Variants in CRAMP1 observed in about 807,000 individuals in gnomAD.
The protein encoded by CRAMP1 is cramped chromatin regulator 1.
CRAMP1 carries 50 observed loss-of-function variants against 115.4 expected under a neutral mutation model. The observed-to-expected ratio is 0.43, with a 90% CI of 0.35 to 0.55. CRAMP1 has a LOEUF of 0.55. Ranked by LOEUF, CRAMP1 falls within the 20% of genes least tolerant of loss-of-function variation. The pLI, the probability that CRAMP1 is intolerant of heterozygous loss-of-function variation, is 0.01. For synonymous variants in CRAMP1, 866 were observed against 745.4 expected (o/e 1.16, Z -2.64); for missense variants, 1,679 against 1,721.7 (o/e 0.98, Z 0.44).
chr16:1,668,123 G>A lies in CRAMP1; in HGVS notation c.3264G>A (p.Leu1088=), dbSNP rs1446408112. The A allele has an allele frequency of 1.2e-6, 2 of 1,613,474 alleles. No homozygotes were observed. The highest frequency in any genetic ancestry group is 1.1e-5 in the South Asian group (1 of 91,088). The part of the protein sequence containing the change: ...ISLPGPPEDA[L]SQGEPATHIS... The stretch of plus-strand genomic sequence containing the variant: ...TGCCCGGCCCACCTGAGGATGCGCT[G>A]TCACAGGGCGAGCCTGCCACACACA... Residue 1088 remains leucine, a synonymous_variant, in exon 18 of 21, where the codon CTG becomes CTA. Transcript: ENST00000397412.
chr16:1,631,274 C>T (rs935380242), intron 3 of CRAMP1, among the ~76,000 whole-genome samples: 5 of 152,256 alleles, frequency 3.3e-5, no homozygotes, highest in Non-Finnish European at 7.3e-5. Context: ...GGTCATGGTC[C>T]ACCATGCCAT....
At position 1,667,401 on chromosome 16, in the gene CRAMP1, G is replaced by A. The variant is rs752315318; in HGVS notation, c.3102+1G>A. 1.2e-6 allele frequency: 2 copies of A among 1,611,704 alleles called. No individual in the cohort carries two copies. The highest frequency in any genetic ancestry group is 3.3e-5 in the Admixed American group (2 of 59,960). ...GGAGCCAGTGGCAGACAGTTTCCAG[G>A]TAGAGTGTGCTCTTGGGCTGCTGAG... On this transcript the variant is annotated splice_donor_variant, in intron 17 of 20. Transcript: ENST00000397412. LOFTEE classifies it high-confidence loss of function.
rs1234235605 is a variant in CRAMP1, at chr16:1,671,233, C to G, written c.3645+424C>G. Among the ~76,000 whole-genome samples, 1 of 152,128 alleles carries G rather than the reference C, an allele frequency of 6.6e-6. No individual in the cohort carries two copies. The highest frequency in any genetic ancestry group is 2.4e-5 in the African/African-American group (1 of 41,418). On this transcript the variant is annotated intron_variant, in intron 20 of 20. Coordinates refer to ENST00000397412, the MANE Select transcript of CRAMP1 (RefSeq NM_020825.4). The surrounding 1 kb of genome is among the most constrained non-coding windows in gnomAD (Gnocchi z 5.0). ...AGTGCTCCCATCCTAACAGCAGGAC[C>G]TTTGAGTGGCATCTCCCTGTCATGT...
At chr16:1,647,795 AT>A (rs2036689261) in intron 6 of CRAMP1, among the ~76,000 whole-genome samples, 1 of 151,246 alleles carries the variant, frequency 6.6e-6, no homozygotes, top group African/African-American at 2.4e-5. Flanking sequence ...AGGGGTGTAA[AT>A]AGAGCCTCTG....
At position 1,674,536 on chromosome 16, in the gene CRAMP1, C is replaced by G. The variant is rs1297672272; in HGVS notation, c.*491C>G. The G allele has an allele frequency of 6.2e-6, 1 of 162,016 alleles. No individual in the cohort carries two copies. The highest frequency in any genetic ancestry group is 1.4e-5 in the Non-Finnish European group (1 of 73,966). 10.0% of individuals were successfully genotyped at this position (162,016 alleles called of 1,614,324 possible). A position where few individuals can be genotyped will look rare whatever the true frequency, so the allele number is the denominator to read the frequency against. On this transcript the variant is annotated 3_prime_UTR_variant, in exon 21 of 21. Coordinates refer to ENST00000397412, the MANE Select transcript of CRAMP1 (RefSeq NM_020825.4). Reference sequence around the variant, plus strand: ...CCTCTGTGGACTGTAACGGGCAGGACAGTTGGGTGTGGCCTGGGCTCATGC... The same window carrying G: ...CCTCTGTGGACTGTAACGGGCAGGAGAGTTGGGTGTGGCCTGGGCTCATGC...
At chr16:1,636,768 G>A (rs1187832607) in intron 4 of CRAMP1, among the ~76,000 whole-genome samples, 1 of 152,248 alleles carries the variant, frequency 6.6e-6, no homozygotes, top group Admixed American at 6.5e-5. Flanking sequence ...TGGCAGAGAC[G>A]CCTAGAGGCT....
At chr16:1,664,595 G>A (rs572005335) in intron 13 of CRAMP1, among the ~76,000 whole-genome samples, 10 of 152,124 alleles carry the variant, frequency 6.6e-5, no homozygotes, top group South Asian at 2.1e-4. Flanking sequence ...CCTGGCCAAC[G>A]TGGAGAAACC....
In CRAMP1 at chr16:1,666,429, C is replaced by T. The variant is rs371924728; in HGVS notation, c.2865C>T (p.Ile955=). ...PQATSHLASA[I]DLAATSAGIL... is the part of the protein sequence containing the mutation. ...CGTCCTTTTTGTTGCCAGGTGCTAT[C>T]GACTTAGCAGCTACAAGTGCCGGCA... The change falls in exon 16 of 21, where the codon ATC becomes ATT. Residue 955 remains isoleucine, a synonymous_variant. Transcript: ENST00000397412. The surrounding 1 kb of genome is among the most constrained non-coding windows in gnomAD (Gnocchi z 5.0). 21 of 1,612,530 alleles carry T rather than the reference C, an allele frequency of 1.3e-5. No individual in the cohort carries two copies. Among genetic ancestry groups the T allele is most frequent in the Middle Eastern group, 1.6e-4 (1 of 6,080 alleles).
chr16:1,626,351 A>G (rs1178835870), intron 3 of CRAMP1, among the ~76,000 whole-genome samples, 185 bp downstream of exon 3: 5 of 152,266 alleles, frequency 3.3e-5, no homozygotes, highest in Admixed American at 1.3e-4. Context: ...TTATCTCCTC[A>G]TTGAGATTTT....
intron 10 of CRAMP1, among the ~76,000 whole-genome samples, chr16:1,659,050 C>G (rs1567459319): frequency 6.6e-6 from 1 of 152,080 alleles, no homozygotes; most frequent in Admixed American, 6.5e-5. Flanking sequence ...TGGGGTTGGG[C>G]TCTGTGGGCC....
At chr16:1,633,808 A>T (rs557219535) in intron 4 of CRAMP1, among the ~76,000 whole-genome samples, 1 of 152,216 alleles carries the variant, frequency 6.6e-6, no homozygotes, top group Admixed American at 6.5e-5. Flanking sequence ...GCGGTGGCTC[A>T]TGCCTGTAAT....
intron 10 of CRAMP1, among the ~76,000 whole-genome samples, chr16:1,658,339 A>G (rs1053970445): frequency 1.3e-5 from 2 of 152,172 alleles, no homozygotes; most frequent in Admixed American, 1.3e-4. Context: ...CAGTGTCTTT[A>G]GAAGGCTTTT....
chr16:1,619,326 G>A (rs1251587231), intron 2 of CRAMP1, among the ~76,000 whole-genome samples: 1 of 152,098 alleles, frequency 6.6e-6, no homozygotes, highest in Non-Finnish European at 1.5e-5. Flanking sequence ...GACTACAGGC[G>A]CATGCTGCTA....
intron 9 of CRAMP1, 64 bp downstream of exon 9, chr16:1,655,364 C>A: frequency 7.8e-7 from 1 of 1,286,104 alleles, no homozygotes; most frequent in Non-Finnish European, 1.1e-6. Context: ...AGAGATGGAC[C>A]ACGCCTCCCT....
intron 3 of CRAMP1, among the ~76,000 whole-genome samples, chr16:1,629,697 G>A (rs1018486378): frequency 6.6e-6 from 1 of 152,206 alleles, no homozygotes; most frequent in African/African-American, 2.4e-5. Flanking sequence ...AGGGAGCGTG[G>A]GGAGGGCTGG....
intron 4 of CRAMP1, among the ~76,000 whole-genome samples, chr16:1,636,035 A>G (rs1338564376): frequency 6.6e-6 from 1 of 152,174 alleles, no homozygotes; most frequent in Non-Finnish European, 1.5e-5. Context: ...TGTCTACTGA[A>G]TAGTGGATCT....
At chr16:1,630,922 T>G (rs1465038674) in intron 3 of CRAMP1, among the ~76,000 whole-genome samples, 1 of 152,226 alleles carries the variant, frequency 6.6e-6, no homozygotes, top group Non-Finnish European at 1.5e-5. Flanking sequence ...GTGGTGTTCT[T>G]TCTGTCTCCG....
intron 6 of CRAMP1, among the ~76,000 whole-genome samples, chr16:1,641,736 G>A (rs1466450303): frequency 6.6e-6 from 1 of 152,232 alleles, no homozygotes; most frequent in Non-Finnish European, 1.5e-5. Flanking sequence ...AGTTGCTGCT[G>A]TTGGGCTGCA....
intron 18 of CRAMP1, 93 bp from the exon 19 acceptor site, chr16:1,668,908 G>A (rs2036898544): frequency 8.2e-7 from 1 of 1,218,736 alleles, no homozygotes; most frequent in Non-Finnish European, 1.2e-6. Context: ...GAGCCCTGCG[G>A]CCCTGCTGCC....
Sources: allele counts gnomAD v4.1 joint callset (sites outside exome capture counted in the v4.1 genomes callset), GRCh38; gene constraint gnomAD v4.1.1; non-coding constraint Gnocchi (gnomAD v3.1); transcripts MANE v1.5; gene names NCBI Gene and HGNC (gene_info 2026-07-23, HGNC 2026-07-21).